Variants in ENTREP1 observed in about 807,000 individuals in gnomAD.
ENTREP1 encodes Friedreich ataxia region gene X123.
chr9:69,340,655 G>GTGTGTGTGTGCA, the ENTREP1 span, among the ~76,000 whole-genome samples: 3 of 110,930 alleles, frequency 2.7e-5, no homozygotes, highest in South Asian at 8.8e-4. Context: ...GTGTGTGCAT[G>GTGTGTGTGTGCA]TGTGTGTGTG....
At chr9:69,371,293 G>T in the ENTREP1 span, 1 of 608,382 alleles carries the variant, frequency 1.6e-6, no homozygotes, top group Non-Finnish European at 2.9e-6. Context: ...AGGTTATTGA[G>T]AAGACTTAAG....
At chr9:69,324,959 G>T in the ENTREP1 span, 1 of 985,116 alleles carries the variant, frequency 1.0e-6, no homozygotes, top group Non-Finnish European at 1.2e-6. Flanking sequence ...TTGGGGCAGG[G>T]CACCCTCCCA....
At chr9:69,364,681 T>C in the ENTREP1 span, among the ~76,000 whole-genome samples, 1 of 152,176 alleles carries the variant, frequency 6.6e-6, no homozygotes, top group African/African-American at 2.4e-5. Flanking sequence ...TGATCCAACT[T>C]CTGAAAGAGC....
the ENTREP1 span, chr9:69,391,887 C>CAAA: frequency 7.8e-7 from 1 of 1,284,496 alleles, no homozygotes; most frequent in Non-Finnish European, 1.1e-6. Context: ...TGGTCCACCT[C>CAAA]AAAAAAAAGG....
chr9:69,346,833 T>C, the ENTREP1 span, among the ~76,000 whole-genome samples: 1 of 152,172 alleles, frequency 6.6e-6, no homozygotes, highest in Non-Finnish European at 1.5e-5. Context: ...CTGATCTCCA[T>C]CTCCCAGCCT....
the ENTREP1 span, among the ~76,000 whole-genome samples, chr9:69,333,463 C>T: frequency 6.6e-6 from 1 of 152,074 alleles, no homozygotes; most frequent in Non-Finnish European, 1.5e-5. Context: ...TGCCACCAAA[C>T]CCAGCTAATT....
the ENTREP1 span, among the ~76,000 whole-genome samples, chr9:69,340,664 TGC>T: frequency 4.8e-5 from 5 of 104,794 alleles, no homozygotes; most frequent in Admixed American, 9.3e-5. Context: ...TGTGTGTGTG[TGC>T]GTGTGTGTGT....
chr9:69,361,744 C>G, the ENTREP1 span, among the ~76,000 whole-genome samples: 1 of 152,146 alleles, frequency 6.6e-6, no homozygotes, highest in Non-Finnish European at 1.5e-5. Flanking sequence ...TTGAGGCTCA[C>G]TTTCATTCCA....
At chr9:69,340,626 T>TGCAC in the ENTREP1 span, among the ~76,000 whole-genome samples, 1 of 55,920 alleles carries the variant, frequency 1.8e-5, no homozygotes, top group South Asian at 8.8e-4. Flanking sequence ...TGTGTGTGCA[T>TGCAC]GTGTGTGTGC....
chr9:69,375,360 A>G, the ENTREP1 span, among the ~76,000 whole-genome samples: 3 of 152,066 alleles, frequency 2.0e-5, no homozygotes, highest in African/African-American at 7.2e-5. Flanking sequence ...TGTGTTGGGG[A>G]AAAAAAAGTG....
the ENTREP1 span, among the ~76,000 whole-genome samples, chr9:69,340,013 G>A: frequency 2.0e-5 from 3 of 152,078 alleles, no homozygotes; most frequent in Non-Finnish European, 4.4e-5. Flanking sequence ...CTCTCTTTCT[G>A]TAGGGCCAAT....
chr9:69,340,754 TGTGC>T, the ENTREP1 span, among the ~76,000 whole-genome samples: 2 of 99,398 alleles, frequency 2.0e-5, no homozygotes, highest in East Asian at 2.6e-4. Context: ...TGTTTGTGTG[TGTGC>T]GTGCATGTGT....
At chr9:69,344,397 A>G in the ENTREP1 span, among the ~76,000 whole-genome samples, 2 of 152,232 alleles carry the variant, frequency 1.3e-5, no homozygotes, top group Admixed American at 1.3e-4. Flanking sequence ...TGAAATGGGA[A>G]TGGGAAGGAG....
the ENTREP1 span, among the ~76,000 whole-genome samples, chr9:69,326,738 T>C: frequency 2.9e-4 from 44 of 152,222 alleles, no homozygotes; most frequent in Admixed American, 8.5e-4. Flanking sequence ...TTTTTAATTT[T>C]TATTTTTAAG....
the ENTREP1 span, among the ~76,000 whole-genome samples, chr9:69,360,248 C>G: frequency 1.3e-5 from 2 of 152,140 alleles, no homozygotes; most frequent in Non-Finnish European, 2.9e-5. Flanking sequence ...AAGAAATTTT[C>G]AGTTCCTTGT....
chr9:69,332,643 C>T, the ENTREP1 span, among the ~76,000 whole-genome samples: 14 of 151,888 alleles, frequency 9.2e-5, no homozygotes, highest in Non-Finnish European at 1.9e-4. Context: ...TTTGTTGCTA[C>T]CATATGCAAA....
chr9:69,368,936 C>T, the ENTREP1 span, among the ~76,000 whole-genome samples: 3 of 152,008 alleles, frequency 2.0e-5, no homozygotes, highest in Admixed American at 1.3e-4. Flanking sequence ...CTGCACCCAT[C>T]AACTCTCAAC....
chr9:69,324,900 G>C, the ENTREP1 span: 2 of 978,828 alleles, frequency 2.0e-6, no homozygotes, highest in Non-Finnish European at 2.4e-6. Flanking sequence ...CGGCGCTGAC[G>C]TGTCCTGGCC....
At chr9:69,363,653 A>G in the ENTREP1 span, among the ~76,000 whole-genome samples, 1 of 152,136 alleles carries the variant, frequency 6.6e-6, no homozygotes, top group South Asian at 2.1e-4. Flanking sequence ...CCTTTGAGGG[A>G]CACAGCCAGC....
Sources: allele counts gnomAD v4.1 joint callset (sites outside exome capture counted in the v4.1 genomes callset), GRCh38; gene constraint gnomAD v4.1.1; transcripts MANE v1.5; gene names NCBI Gene and HGNC (gene_info 2026-07-23, HGNC 2026-07-21).